Variants in DNM3 observed in about 807,000 individuals in gnomAD.
DNM3 encodes dynamin 3.
DNM3 carries 47 observed loss-of-function variants against 101.6 expected under a neutral mutation model. The observed-to-expected ratio is 0.46, with a 90% CI of 0.37 to 0.59. The LOEUF (loss-of-function observed/expected upper bound fraction) is 0.59, where lower values mean the gene tolerates loss of function less well. DNM3 is among the 20% of genes least tolerant of loss of function. DNM3 has a pLI of 0.00. For synonymous variants in DNM3, 385 were observed against 387.9 expected (o/e 0.99, Z 0.09); for missense variants, 849 against 1,085.7 (o/e 0.78, Z 3.06).
intron 2 of DNM3, among the ~76,000 whole-genome samples, chr1:171,938,863 A>G (rs774740886): frequency 6.6e-6 from 1 of 152,198 alleles, no homozygotes; most frequent in Non-Finnish European, 1.5e-5. Context: ...TGGGACTGTC[A>G]TTCAGACCTA....
intron 7 of DNM3, among the ~76,000 whole-genome samples, chr1:172,039,581 G>A (rs2049219976): frequency 6.6e-6 from 1 of 151,832 alleles, no homozygotes; most frequent in Admixed American, 6.6e-5. Context: ...TAGGCCCTAG[G>A]TCATTATCTT....
At chr1:172,283,210 T>C (rs1014200480) in intron 15 of DNM3, among the ~76,000 whole-genome samples, 2 of 152,336 alleles carry the variant, frequency 1.3e-5, no homozygotes, top group Admixed American at 1.3e-4. Flanking sequence ...TCTGCTGCTG[T>C]CATCTTGCAG....
intron 7 of DNM3, among the ~76,000 whole-genome samples, chr1:172,039,173 T>C (rs1200927705): frequency 1.3e-5 from 2 of 152,106 alleles, no homozygotes; most frequent in African/African-American, 4.8e-5. Context: ...AGTTCCTTTA[T>C]CCTGTGCTGC....
rs994473335 is a variant in DNM3, at chr1:172,037,310, A to G, written c.850-1009A>G. Reference sequence around the variant, plus strand: ...ACTGGGTATATACCCAAAGGACTATAAATCATGCTGCTATAAATACATATG... The same window carrying G: ...ACTGGGTATATACCCAAAGGACTATGAATCATGCTGCTATAAATACATATG... On this transcript the variant is annotated intron_variant, in intron 6 of 20. Transcript: ENST00000627582. Among the ~76,000 whole-genome samples the G allele has an allele frequency of 2.0e-5, 3 of 152,220 alleles. No homozygotes were observed. In the East Asian group the frequency reaches 5.8e-4, roughly 29 times the overall value.
intron 12 of DNM3, among the ~76,000 whole-genome samples, chr1:172,084,234 T>A (rs2053366919): frequency 6.6e-6 from 1 of 152,142 alleles, no homozygotes; most frequent in Admixed American, 6.6e-5. Flanking sequence ...TTAATCAAGT[T>A]ATGTGGAAAT....
At chr1:172,348,308 A>G (rs1399903584) in intron 17 of DNM3, among the ~76,000 whole-genome samples, 1 of 152,192 alleles carries the variant, frequency 6.6e-6, no homozygotes, top group Non-Finnish European at 1.5e-5. Flanking sequence ...ACAATTCTCA[A>G]ATAGGATTTT....
At chr1:172,341,356 T>C (rs2066678965) in intron 17 of DNM3, among the ~76,000 whole-genome samples, 1 of 152,150 alleles carries the variant, frequency 6.6e-6, no homozygotes, top group South Asian at 2.1e-4. Flanking sequence ...AAACTACCAG[T>C]AGTATTCTTC....
chr1:172,150,756 T>C (rs1326363189), intron 14 of DNM3, among the ~76,000 whole-genome samples: 1 of 152,200 alleles, frequency 6.6e-6, no homozygotes, highest in Non-Finnish European at 1.5e-5. Context: ...GACCTCTGGT[T>C]TTCTCATCTC....
intron 14 of DNM3, among the ~76,000 whole-genome samples, chr1:172,224,109 G>A (rs1397851375): frequency 1.3e-5 from 2 of 152,042 alleles, no homozygotes; most frequent in Admixed American, 1.3e-4. Context: ...TACCCAACAT[G>A]CAAGACTCCT....
chr1:172,055,073 T>A lies in DNM3; in HGVS notation c.1335+6323T>A, dbSNP rs540862041. Among the ~76,000 whole-genome samples the A allele has an allele frequency of 4.0e-5, 6 of 151,302 alleles. No individual in the cohort carries two copies. In the East Asian group the frequency reaches 1.2e-3, roughly 30 times the overall value. On this transcript the variant is annotated intron_variant, in intron 10 of 20. Transcript: ENST00000627582. ...CTTATTAGGTAAGTAAATATCTAGCTCTGAATACACATAACTAAACAAGTG... is the reference window on the plus strand; with the variant it reads ...CTTATTAGGTAAGTAAATATCTAGCACTGAATACACATAACTAAACAAGTG...
intron 15 of DNM3, among the ~76,000 whole-genome samples, chr1:172,284,848 A>C (rs1488780005): frequency 6.6e-6 from 1 of 152,194 alleles, no homozygotes; most frequent in Non-Finnish European, 1.5e-5. Context: ...AATAAATCCC[A>C]CAAATAGAAG....
At chr1:171,887,297 T>G (rs1212281105) in intron 1 of DNM3, among the ~76,000 whole-genome samples, 1 of 152,216 alleles carries the variant, frequency 6.6e-6, no homozygotes, top group African/African-American at 2.4e-5. Context: ...CACACTGCAG[T>G]CAGTGACTGG....
intron 1 of DNM3, among the ~76,000 whole-genome samples, chr1:171,882,398 G>T: frequency 7.1e-6 from 1 of 140,180 alleles, no homozygotes; most frequent in African/African-American, 2.8e-5. Context: ...TGCCACATTT[G>T]CTTTATCTCG....
At chr1:172,018,695 T>TA (rs1332897894) in intron 4 of DNM3, among the ~76,000 whole-genome samples, 1 of 152,226 alleles carries the variant, frequency 6.6e-6, no homozygotes, top group Admixed American at 6.5e-5. Flanking sequence ...TATTTACATA[T>TA]AAGCATATGA....
chr1:171,922,430 T>C (rs1170945466), intron 2 of DNM3, among the ~76,000 whole-genome samples: 2 of 152,348 alleles, frequency 1.3e-5, no homozygotes, highest in East Asian at 1.9e-4. Flanking sequence ...CCATTTCTTT[T>C]TGGGGATTTT....
intron 14 of DNM3, among the ~76,000 whole-genome samples, chr1:172,193,284 G>A (rs2059808071): frequency 6.6e-6 from 1 of 151,982 alleles, no homozygotes; most frequent in Non-Finnish European, 1.5e-5. Flanking sequence ...GATGATTTTT[G>A]CATCGATGTT....
At chr1:172,374,558 G>A (rs1289715414) in intron 17 of DNM3, among the ~76,000 whole-genome samples, 4 of 151,984 alleles carry the variant, frequency 2.6e-5, no homozygotes, top group Non-Finnish European at 4.4e-5. Flanking sequence ...TTTTTACTAA[G>A]AAGTTTTTAC....
chr1:172,036,083 C>A (rs1188817667), intron 6 of DNM3, among the ~76,000 whole-genome samples: 1 of 148,950 alleles, frequency 6.7e-6, no homozygotes, highest in Non-Finnish European at 1.5e-5. Flanking sequence ...TATACATGTG[C>A]CATGCTGGTG....
Position 171,841,778 on chromosome 1 carries a change from G to A in DNM3, c.122G>A (p.Ser41Asn). ...CAGATCGCCGTGGTGGGCGGCCAGA[G>A]CGCCGGCAAGAGCTCGGTGCTCGAG... The part of the protein sequence containing the change: ...LPQIAVVGGQ[S>N]AGKSSVLENF... Residue 41 changes from serine to asparagine, a missense_variant, in exon 1 of 21, where the codon AGC becomes AAC. By Grantham distance (46) the Ser-to-Asn change is conservative. This residue lies in a region of DNM3 where 388 missense variants were observed against 483.0 expected (regional missense o/e 0.80). Coordinates refer to ENST00000627582, the MANE Select transcript of DNM3 (RefSeq NM_015569.5). The A allele has an allele frequency of 6.2e-7, 1 of 1,610,266 alleles. No homozygotes were observed. The highest frequency in any genetic ancestry group is 8.5e-7 in the Non-Finnish European group (1 of 1,179,228).
Sources: gnomAD v4.1 joint callset for allele counts (sites outside exome capture counted in the v4.1 genomes callset) on GRCh38, gnomAD v4.1.1 for gene constraint, gnomAD v4.1.1 regional missense constraint, MANE v1.5 for transcripts, NCBI Gene and HGNC (gene_info 2026-07-23, HGNC 2026-07-21) for gene names.